CNTN5: variants seen among roughly 807,000 people sequenced by gnomAD.
CNTN5 encodes the protein contactin 5, also known as contactin-5.
CNTN5 carries 77 observed loss-of-function variants against 129.1 expected under a neutral mutation model. That is an observed-to-expected ratio of 0.60 (90% CI 0.50 to 0.72). The LOEUF is 0.72. Ranked by LOEUF, CNTN5 falls within the 30% of genes least tolerant of loss-of-function variation. CNTN5 has a pLI of 0.00. For missense variants in CNTN5, 1,478 were observed against 1,328.8 expected (o/e 1.11, Z -1.75); for synonymous variants, 509 against 465.6 (o/e 1.09, Z -1.20).
intron 8 of CNTN5, among the ~76,000 whole-genome samples, chr11:99,978,226 AAT>A (rs1359249630): frequency 6.6e-6 from 1 of 152,342 alleles, no homozygotes; most frequent in East Asian, 1.9e-4. Flanking sequence ...ACAGCTGTAC[AAT>A]ATGTTTGTCT....
chr11:99,192,397 A>AT (rs1425309555), intron 1 of CNTN5, among the ~76,000 whole-genome samples: 3 of 151,772 alleles, frequency 2.0e-5, no homozygotes, highest in Admixed American at 6.6e-5. Context: ...ACTTTTCTTT[A>AT]TTTTTTTCTT....
At chr11:99,643,090 T>G (rs1951828716) in intron 3 of CNTN5, among the ~76,000 whole-genome samples, 1 of 152,188 alleles carries the variant, frequency 6.6e-6, no homozygotes, top group South Asian at 2.1e-4. Flanking sequence ...GGAACACTGA[T>G]TTTATTTCCT....
chr11:99,680,041 G>A (rs1367195979), intron 3 of CNTN5, among the ~76,000 whole-genome samples: 1 of 152,160 alleles, frequency 6.6e-6, no homozygotes, highest in Admixed American at 6.5e-5. Flanking sequence ...GAGAGATGAG[G>A]AAGATGAAGC....
chr11:99,808,283 A>T (rs1339715862), intron 3 of CNTN5, among the ~76,000 whole-genome samples: 1 of 152,188 alleles, frequency 6.6e-6, no homozygotes, highest in East Asian at 1.9e-4. Context: ...AGGCTGCAAT[A>T]TTTTAGCCCA....
intron 8 of CNTN5, among the ~76,000 whole-genome samples, chr11:99,988,186 T>C (rs1453960485): frequency 6.6e-6 from 1 of 152,202 alleles, no homozygotes. Flanking sequence ...GTATCTCAAA[T>C]ATGAGTGGTA....
At chr11:99,501,571 C>T (rs1327087663) in intron 2 of CNTN5, among the ~76,000 whole-genome samples, 3 of 152,132 alleles carry the variant, frequency 2.0e-5, no homozygotes. Context: ...TGATTTGCTT[C>T]TTCAGTAGCA....
chr11:99,326,369 G>T (rs1865787661), intron 2 of CNTN5, among the ~76,000 whole-genome samples: 1 of 152,136 alleles, frequency 6.6e-6, no homozygotes, highest in Non-Finnish European at 1.5e-5. Flanking sequence ...GCTGTCACTT[G>T]TTTATCCTTT....
At chr11:100,070,304 T>C (rs1943869479) in intron 10 of CNTN5, 120 bp from the exon 11 acceptor site, 5 of 1,013,884 alleles carry the variant, frequency 4.9e-6, no homozygotes, top group African/African-American at 3.2e-5. Context: ...TTCTTCAAAA[T>C]ACCTATGGTT....
intron 8 of CNTN5, among the ~76,000 whole-genome samples, chr11:99,971,518 G>A (rs1162508762): frequency 6.6e-6 from 1 of 151,624 alleles, no homozygotes; most frequent in Non-Finnish European, 1.5e-5. Context: ...ACTCCAGCCT[G>A]GTGACAGAGT....
chr11:100,097,120 C>T (rs547623245), intron 13 of CNTN5, among the ~76,000 whole-genome samples: 3 of 152,106 alleles, frequency 2.0e-5, no homozygotes, highest in Non-Finnish European at 4.4e-5. Context: ...TAGAAATGTA[C>T]TTTTTCCTAA....
chr11:100,295,831 TA>T (rs1224056803), intron 18 of CNTN5, among the ~76,000 whole-genome samples: 1 of 151,460 alleles, frequency 6.6e-6, no homozygotes, highest in Non-Finnish European at 1.5e-5. Flanking sequence ...TCCAATTTAA[TA>T]GACAAAGTAC....
intron 3 of CNTN5, among the ~76,000 whole-genome samples, chr11:99,649,997 A>T (rs1952095606): frequency 6.6e-6 from 1 of 151,734 alleles, no homozygotes; most frequent in Non-Finnish European, 1.5e-5. Context: ...CATCAATAAG[A>T]GTTGTAATCT....
chr11:99,608,434 G>C (rs2135721921), intron 3 of CNTN5, among the ~76,000 whole-genome samples: 1 of 152,218 alleles, frequency 6.6e-6, no homozygotes, highest in East Asian at 1.9e-4. Flanking sequence ...TAACCTCCCT[G>C]GTCAGAATGT....
At chr11:100,200,483 C>A (rs1277243019) in intron 15 of CNTN5, among the ~76,000 whole-genome samples, 1 of 151,828 alleles carries the variant, frequency 6.6e-6, no homozygotes, top group Admixed American at 6.6e-5. Flanking sequence ...GCTGTTTTAT[C>A]TTTATGACAG....
intron 2 of CNTN5, among the ~76,000 whole-genome samples, chr11:99,427,542 G>A (rs374988969): frequency 1.7e-4 from 26 of 151,934 alleles, no homozygotes; most frequent in South Asian, 6.2e-4. Context: ...CGAGGCGGGC[G>A]GATCATGAGG....
At chr11:99,079,398 C>T (rs1865704728) in intron 1 of CNTN5, among the ~76,000 whole-genome samples, 1 of 151,960 alleles carries the variant, frequency 6.6e-6, no homozygotes, top group Non-Finnish European at 1.5e-5. Flanking sequence ...GTTTTAGATG[C>T]TATGGTTAGA....
At position 99,362,508 on chromosome 11, in the gene CNTN5, T is replaced by C. The variant is rs560473379; in HGVS notation, c.-71+37024T>C. ...GATAAAAAACAATTTATCTATTTTT[T>C]TTAGTTGTCTATGCTTTGGGTATCA... On this transcript the variant is annotated intron_variant, in intron 2 of 24. Transcript: ENST00000524871. Among the ~76,000 whole-genome samples the C allele has an allele frequency of 3.9e-5, 6 of 152,116 alleles. No homozygotes were observed. The South Asian group carries it at 1.0e-3, about 26-fold the overall frequency.
intron 6 of CNTN5, among the ~76,000 whole-genome samples, chr11:99,864,385 A>G (rs921491149): frequency 5.3e-5 from 8 of 152,096 alleles, no homozygotes; most frequent in Admixed American, 2.6e-4. Flanking sequence ...ACTCTCTGCT[A>G]TCGTCCTGCA....
In CNTN5 at chr11:100,088,891, C is replaced by T. The variant is rs544219093; in HGVS notation, c.1580+14597C>T. 5.1e-4 allele frequency among the ~76,000 whole-genome samples: 78 copies of T among 152,024 alleles called. No individual in the cohort carries two copies. In the South Asian group the frequency reaches 8.5e-3, roughly 17 times the overall value. The stretch of plus-strand genomic sequence containing the variant: ...CTCCTCCCTAAGTGACTCTATGAAG[C>T]CAGCATCACTCCAATATCAAAACCT... On this transcript the variant is annotated intron_variant, in intron 13 of 24. Coordinates refer to ENST00000524871, the MANE Select transcript of CNTN5 (RefSeq NM_014361.4).
Sources: allele counts gnomAD v4.1 joint callset (sites outside exome capture counted in the v4.1 genomes callset), GRCh38; gene constraint gnomAD v4.1.1; transcripts MANE v1.5; gene names NCBI Gene and HGNC (gene_info 2026-07-23, HGNC 2026-07-21).